Variants in ADGRB3 observed in about 807,000 individuals in gnomAD.
ADGRB3 encodes the protein brain-specific angiogenesis inhibitor 3.
In ADGRB3, 37 loss-of-function variants were observed where a neutral mutation model predicts 193.4. That is an observed-to-expected ratio of 0.19 (90% CI 0.15 to 0.25). ADGRB3 has a LOEUF of 0.25. Ranked by LOEUF, ADGRB3 falls within the 10% of genes least tolerant of loss-of-function variation. ADGRB3 has a pLI of 1.00. For missense variants in ADGRB3, 1,637 were observed against 1,852.9 expected, an observed-to-expected ratio of 0.88 and a Z score of 2.14; for synonymous variants, 690 against 644.2, an observed-to-expected ratio of 1.07 and a Z score of -1.08.
Position 69,172,671 on chromosome 6 carries a change from AAG to A in ADGRB3, c.2481-60615_2481-60614del, listed in dbSNP as rs1323480071. On this transcript the variant is annotated intron_variant, in intron 17 of 31. Coordinates refer to ENST00000370598, the MANE Select transcript of ADGRB3 (RefSeq NM_001704.3). ...AAAAAAAAAAAAAAAAAAAAAAAAA[AAG>A]AGAAATAAAGAAAAAGAAAAGAAAG... 1.0e-4 allele frequency among the ~76,000 whole-genome samples: 14 copies of A among 138,084 alleles called. 3 individuals are homozygous for A. The highest frequency in any genetic ancestry group is 1.1e-4 in the African/African-American group (4 of 35,514). 90.6% of individuals were successfully genotyped at this position (138,084 alleles called of 152,430 possible).
At chr6:68,877,355 T>C (rs987294797) in intron 3 of ADGRB3, among the ~76,000 whole-genome samples, 2 of 150,628 alleles carry the variant, frequency 1.3e-5, no homozygotes, top group Non-Finnish European at 3.0e-5. Context: ...ATGAATAGTG[T>C]ATATGTTCAA....
chr6:68,784,839 A>G (rs1470986695), intron 3 of ADGRB3, among the ~76,000 whole-genome samples: 1 of 152,130 alleles, frequency 6.6e-6, no homozygotes, highest in East Asian at 1.9e-4. Context: ...GCAAAGTAGA[A>G]AGAATTCTTG....
intron 17 of ADGRB3, among the ~76,000 whole-genome samples, chr6:69,131,700 G>C (rs1668065037): frequency 6.6e-6 from 1 of 151,848 alleles, no homozygotes; most frequent in South Asian, 2.1e-4. Flanking sequence ...ATAGGTATAT[G>C]TATGCCATGG....
At chr6:68,886,810 C>T (rs1203098449) in intron 3 of ADGRB3, among the ~76,000 whole-genome samples, 1 of 151,840 alleles carries the variant, frequency 6.6e-6, no homozygotes, top group Non-Finnish European at 1.5e-5. Context: ...GATTTTATGT[C>T]TAAAAATATA....
chr6:69,063,076 T>G, intron 16 of ADGRB3, 40 bp downstream of exon 16: 1 of 1,442,580 alleles, frequency 6.9e-7, no homozygotes, highest in Non-Finnish European at 9.7e-7. Context: ...CTTATGGAAT[T>G]ACCTTTCTAA....
At chr6:69,034,423 A>G (rs1170655007) in intron 13 of ADGRB3, among the ~76,000 whole-genome samples, 1 of 151,328 alleles carries the variant, frequency 6.6e-6, no homozygotes, top group African/African-American at 2.4e-5. Context: ...ATTTCTTAAC[A>G]GAGAAGCAAA....
chr6:68,645,758 C>T (rs1582094479), intron 3 of ADGRB3, among the ~76,000 whole-genome samples: 1 of 152,044 alleles, frequency 6.6e-6, no homozygotes, highest in Admixed American at 6.6e-5. Context: ...CTGCAACCTC[C>T]GCTTCCAGAG....
At chr6:69,069,651 A>G (rs1167815035) in intron 16 of ADGRB3, among the ~76,000 whole-genome samples, 7 of 146,408 alleles carry the variant, frequency 4.8e-5, no homozygotes, top group Middle Eastern at 3.4e-3. Flanking sequence ...GAATCGCTTG[A>G]ACTCAGAGGA....
At chr6:69,168,636 ATAATTTAAAATTAATTTAAAT>A (rs1040376102) in intron 17 of ADGRB3, among the ~76,000 whole-genome samples, 34 of 152,248 alleles carry the variant, frequency 2.2e-4, no homozygotes, top group Non-Finnish European at 4.3e-4. Context: ...GGTATGAGCC[ATAATTTAAAATTAATTTAAAT>A]TAATTTAAAA....
At chr6:69,222,219 G>A (rs559303331) in intron 17 of ADGRB3, among the ~76,000 whole-genome samples, 2 of 152,112 alleles carry the variant, frequency 1.3e-5, no homozygotes, top group South Asian at 4.1e-4. Context: ...AAAAATAATT[G>A]TACATGTGAT....
intron 17 of ADGRB3, among the ~76,000 whole-genome samples, chr6:69,210,959 CAAAAAAA>C (rs553778800): frequency 7.1e-6 from 1 of 141,738 alleles, no homozygotes; most frequent in Non-Finnish European, 1.5e-5. Flanking sequence ...ACCAAAAATA[CAAAAAAA>C]AAAAAATTAA....
chr6:69,034,317 C>T (rs1488543509), intron 13 of ADGRB3, among the ~76,000 whole-genome samples: 1 of 151,586 alleles, frequency 6.6e-6, no homozygotes, highest in South Asian at 2.1e-4. Flanking sequence ...TTATTGCCCC[C>T]AAATAACATC....
chr6:68,934,863 T>C (rs1767440956), intron 4 of ADGRB3, among the ~76,000 whole-genome samples: 1 of 152,190 alleles, frequency 6.6e-6, no homozygotes. Context: ...AAGGACATTT[T>C]TATGAAATTA....
intron 3 of ADGRB3, among the ~76,000 whole-genome samples, chr6:68,883,433 G>A (rs749640409): frequency 7.9e-5 from 12 of 152,186 alleles, no homozygotes; most frequent in African/African-American, 1.4e-4. Flanking sequence ...CTCCTTCCAC[G>A]TTGTAGGAGC....
intron 6 of ADGRB3, among the ~76,000 whole-genome samples, chr6:68,952,458 A>G (rs968244514): frequency 5.9e-5 from 9 of 151,884 alleles, no homozygotes; most frequent in Admixed American, 2.0e-4. Flanking sequence ...TCAATTATCT[A>G]TTTTCTCAAT....
chr6:69,225,415 C>T (rs1358365783), intron 17 of ADGRB3, among the ~76,000 whole-genome samples: 3 of 152,152 alleles, frequency 2.0e-5, no homozygotes, highest in African/African-American at 7.2e-5. Context: ...TCTGAGTACT[C>T]TTCCTGTATG....
At position 69,388,729 on chromosome 6, in the gene ADGRB3, A is replaced by G; in HGVS notation, c.4407A>G (p.Pro1469=). 6.2e-7 allele frequency: 1 copy of G among 1,613,282 alleles called. No homozygotes were observed. The change falls in exon 32 of 32, where the codon CCA becomes CCG. Residue 1469 remains proline, a synonymous_variant. Coordinates refer to ENST00000370598, the MANE Select transcript of ADGRB3 (RefSeq NM_001704.3). ...AAAACCCCGCACCAAACAAGAATCC[A>G]TGGGACACTTTCAAAAACCCCAGTG... is the stretch of plus-strand genomic sequence containing the variant. ...SMENPAPNKN[P]WDTFKNPSEY...
At chr6:68,924,733 C>G (rs1232901776) in intron 3 of ADGRB3, among the ~76,000 whole-genome samples, 1 of 151,924 alleles carries the variant, frequency 6.6e-6, no homozygotes, top group Non-Finnish European at 1.5e-5. Flanking sequence ...AAGCAAGTTT[C>G]ATTTTGTTAC....
intron 3 of ADGRB3, among the ~76,000 whole-genome samples, chr6:68,641,748 T>C (rs758961979): frequency 7.9e-5 from 12 of 152,120 alleles, no homozygotes; most frequent in South Asian, 2.1e-4. Context: ...CCCAGTTAAA[T>C]AATCTCTTTT....
Sources: allele counts gnomAD v4.1 joint callset (sites outside exome capture counted in the v4.1 genomes callset), GRCh38; gene constraint gnomAD v4.1.1; transcripts MANE v1.5; gene names NCBI Gene and HGNC (gene_info 2026-07-23, HGNC 2026-07-21).